The following THSD7B variants were observed in gnomAD, a reference collection of about 807,000 sequenced individuals.
THSD7B encodes thrombospondin type-1 domain-containing protein 7B.
Under a neutral mutation model 213.6 loss-of-function variants are expected in THSD7B, and 138 were observed. The observed-to-expected ratio is 0.65, with a 90% CI of 0.56 to 0.74. The LOEUF is 0.74. THSD7B is among the 30% of genes least tolerant of loss of function. THSD7B has a pLI of 0.00. For missense variants in THSD7B, 1,931 were observed against 1,991.5 expected (o/e 0.97, Z 0.58); for synonymous variants, 742 against 687.0 (o/e 1.08, Z -1.25).
At chr2:137,457,541 C>T (rs933146188) in intron 15 of THSD7B, among the ~76,000 whole-genome samples, 1 of 152,146 alleles carries the variant, frequency 6.6e-6, no homozygotes, top group Admixed American at 6.6e-5. Context: ...TCCTAAAGCC[C>T]TGAAATATTA....
At chr2:137,014,940 C>G (rs796963615) in intron 2 of THSD7B, among the ~76,000 whole-genome samples, 18 of 152,262 alleles carry the variant, frequency 1.2e-4, no homozygotes, top group African/African-American at 4.1e-4. Context: ...CTACCTGCCT[C>G]TGTCTCAGTG....
At chr2:137,193,125 G>A (rs1009354245) in intron 7 of THSD7B, among the ~76,000 whole-genome samples, 3 of 152,048 alleles carry the variant, frequency 2.0e-5, no homozygotes, top group Admixed American at 6.6e-5. Flanking sequence ...ATCTCCCAGC[G>A]CTTTCCAGAC....
At chr2:137,039,218 A>T in intron 2 of THSD7B, among the ~76,000 whole-genome samples, 1 of 152,146 alleles carries the variant, frequency 6.6e-6, no homozygotes. Flanking sequence ...CACTGTCCTG[A>T]ATCTTCCCCT....
At chr2:137,078,923 A>T (rs1687686939) in intron 3 of THSD7B, among the ~76,000 whole-genome samples, 1 of 151,882 alleles carries the variant, frequency 6.6e-6, no homozygotes, top group Non-Finnish European at 1.5e-5. Flanking sequence ...GTTTGTTTTC[A>T]TTTTTAAATT....
chr2:137,266,559 T>G (rs1682594134), intron 10 of THSD7B, among the ~76,000 whole-genome samples: 1 of 152,180 alleles, frequency 6.6e-6, no homozygotes, highest in Non-Finnish European at 1.5e-5. Context: ...GGAACAATAC[T>G]GGGGCTGTGA....
At position 137,071,663 on chromosome 2, in the gene THSD7B, T is replaced by A. The variant is rs542619494; in HGVS notation, c.950+14433T>A. ...TATGTCCTGAATGGTATTGCCTAGG[T>A]TTTAGGTGTTGCCTATGTCCTGAAT... is the stretch of plus-strand genomic sequence containing the variant. On this transcript the variant is annotated intron_variant, in intron 3 of 27. Coordinates refer to ENST00000409968, the MANE Select transcript of THSD7B (RefSeq NM_001316349.2). Among the ~76,000 whole-genome samples, 434 of 152,286 alleles carry A rather than the reference T, an allele frequency of 2.8e-3. 2 individuals carry two copies. Among genetic ancestry groups the A allele is most frequent in the Admixed American group, 4.9e-3 (75 of 15,276 alleles).
intron 1 of THSD7B, among the ~76,000 whole-genome samples, chr2:136,839,989 A>G (rs775297498): frequency 6.6e-6 from 1 of 152,188 alleles, no homozygotes; most frequent in Non-Finnish European, 1.5e-5. Context: ...TTGGAATGAC[A>G]TGGATTTTTG....
intron 14 of THSD7B, among the ~76,000 whole-genome samples, chr2:137,418,492 T>A (rs1686848704): frequency 6.6e-6 from 1 of 152,204 alleles, no homozygotes; most frequent in Non-Finnish European, 1.5e-5. Context: ...ACTCATATAA[T>A]CATATCAGGT....
intron 3 of THSD7B, 73 bp from the exon 4 acceptor site, chr2:137,094,800 T>C (rs1688009928): frequency 3.3e-6 from 5 of 1,516,678 alleles, no homozygotes; most frequent in Admixed American, 2.2e-5. Flanking sequence ...TTTTTTCTCA[T>C]GGTAGGCACT....
intron 1 of THSD7B, among the ~76,000 whole-genome samples, chr2:136,835,983 C>G (rs976587781): frequency 3.3e-5 from 5 of 152,152 alleles, no homozygotes; most frequent in African/African-American, 1.2e-4. Context: ...TTTGCGACTA[C>G]TCTTTAATCT....
chr2:136,940,861 TTG>T (rs1684814298), intron 2 of THSD7B, among the ~76,000 whole-genome samples: 2 of 147,386 alleles, frequency 1.4e-5, no homozygotes, highest in African/African-American at 2.6e-5. Flanking sequence ...CCATTCTTAG[TTG>T]TTTTTTTTTT....
At chr2:137,641,587 G>C (rs945913370) in intron 20 of THSD7B, among the ~76,000 whole-genome samples, 1 of 152,200 alleles carries the variant, frequency 6.6e-6, no homozygotes, top group African/African-American at 2.4e-5. Context: ...GTAGGAAAGA[G>C]AGAGTGAGAG....
At chr2:137,043,111 T>C (rs1573785143) in intron 2 of THSD7B, among the ~76,000 whole-genome samples, 1 of 152,366 alleles carries the variant, frequency 6.6e-6, no homozygotes, top group East Asian at 1.9e-4. Context: ...TCTGATTTTC[T>C]TTAATTATTA....
intron 5 of THSD7B, among the ~76,000 whole-genome samples, chr2:137,143,255 C>A (rs969713240): frequency 2.6e-5 from 4 of 152,120 alleles, no homozygotes; most frequent in Non-Finnish European, 5.9e-5. Context: ...GAATTACATA[C>A]CTGTTTTAAT....
intron 2 of THSD7B, among the ~76,000 whole-genome samples, chr2:136,938,756 A>T (rs1684772848): frequency 6.6e-6 from 1 of 152,170 alleles, no homozygotes; most frequent in African/African-American, 2.4e-5. Flanking sequence ...TTGAAAGGAA[A>T]AATAAGATGA....
At chr2:137,582,371 G>C (rs1387108750) in intron 17 of THSD7B, among the ~76,000 whole-genome samples, 1 of 151,948 alleles carries the variant, frequency 6.6e-6, no homozygotes, top group Middle Eastern at 3.2e-3. Context: ...TTAAGTTCTA[G>C]GGTGCATGTG....
chr2:136,858,354 C>T (rs1409240599), intron 1 of THSD7B, among the ~76,000 whole-genome samples: 1 of 151,936 alleles, frequency 6.6e-6, no homozygotes, highest in Non-Finnish European at 1.5e-5. Flanking sequence ...GTGGGGATTG[C>T]AGACATGCTG....
intron 12 of THSD7B, among the ~76,000 whole-genome samples, chr2:137,405,395 G>T (rs1035990835): frequency 2.0e-5 from 3 of 152,028 alleles, no homozygotes; most frequent in Non-Finnish European, 4.4e-5. Flanking sequence ...GCAGGGTTTG[G>T]ATTAATAATG....
At chr2:137,494,636 C>T (rs1236419432) in intron 15 of THSD7B, among the ~76,000 whole-genome samples, 3 of 152,208 alleles carry the variant, frequency 2.0e-5, no homozygotes, top group African/African-American at 7.2e-5. Flanking sequence ...CTCTGCCTAC[C>T]ACACTCTTAC....
Sources: allele counts gnomAD v4.1 joint callset (sites outside exome capture counted in the v4.1 genomes callset), GRCh38; gene constraint gnomAD v4.1.1; transcripts MANE v1.5; gene names NCBI Gene and HGNC (gene_info 2026-07-23, HGNC 2026-07-21).